Variants in IGF2BP2 observed in about 807,000 individuals in gnomAD.
IGF2BP2 encodes insulin-like growth factor 2 mRNA-binding protein 2.
Under a neutral mutation model 75.8 loss-of-function variants are expected in IGF2BP2, and 17 were observed. The observed-to-expected ratio is 0.22, with a 90% confidence interval of 0.15 to 0.34. The LOEUF (loss-of-function observed/expected upper bound fraction) is 0.34. Among genes scored for constraint, IGF2BP2 ranks in the 10% least tolerant of loss-of-function variants. The probability of loss-of-function intolerance (pLI) is 1.00; values close to 1 mark genes in which losing one functional copy is unlikely to be tolerated. For synonymous variants in IGF2BP2, 288 were observed against 295.6 expected, an observed-to-expected ratio of 0.97 and a Z score of 0.26; for missense variants, 516 against 772.4, an observed-to-expected ratio of 0.67 and a Z score of 3.93.
In IGF2BP2 at chr3:185,815,654, G is replaced by A. The variant is rs566754081; in HGVS notation, c.239+7499C>T. ...CCCATCTCCTGAGTCAGAATTCCAC[G>A]GAAAATGCCATATCCCACTCTGGAC... On this transcript the variant is annotated intron_variant, in intron 2 of 15. Coordinates refer to ENST00000382199, the MANE Select transcript of IGF2BP2 (RefSeq NM_006548.6). 2.6e-5 allele frequency among the ~76,000 whole-genome samples: 4 copies of A among 152,164 alleles called. No individual in the cohort carries two copies. In the South Asian group the frequency reaches 6.2e-4, roughly 24 times the overall value.
intron 2 of IGF2BP2, among the ~76,000 whole-genome samples, chr3:185,744,420 G>A (rs1729968681): frequency 6.6e-6 from 1 of 152,158 alleles, no homozygotes; most frequent in Non-Finnish European, 1.5e-5. Context: ...AATGTTCATT[G>A]TAGGAAATCA....
chr3:185,741,098 C>T (rs1729494317), intron 2 of IGF2BP2, among the ~76,000 whole-genome samples: 1 of 152,136 alleles, frequency 6.6e-6, no homozygotes, highest in Non-Finnish European at 1.5e-5. Flanking sequence ...ATGTCTCGAT[C>T]TCCTGACCTC....
At chr3:185,732,861 C>A (rs1434344615) in intron 2 of IGF2BP2, among the ~76,000 whole-genome samples, 2 of 152,196 alleles carry the variant, frequency 1.3e-5, no homozygotes, top group African/African-American at 4.8e-5. Flanking sequence ...GTAGGCCTCA[C>A]AGATAATACC....
intron 2 of IGF2BP2, among the ~76,000 whole-genome samples, chr3:185,734,706 A>C (rs962321964): frequency 4.6e-5 from 7 of 152,226 alleles, no homozygotes; most frequent in Non-Finnish European, 8.8e-5. Context: ...TACAGCAGGG[A>C]AATTAATTGT....
chr3:185,730,490 A>G (rs1304727347), intron 2 of IGF2BP2, among the ~76,000 whole-genome samples: 1 of 139,504 alleles, frequency 7.2e-6, no homozygotes, highest in Non-Finnish European at 1.5e-5. Context: ...GCTGGAGTGC[A>G]ATGGCACAGT....
At chr3:185,785,575 T>G (rs1578294760) in intron 2 of IGF2BP2, among the ~76,000 whole-genome samples, 1 of 151,706 alleles carries the variant, frequency 6.6e-6, no homozygotes, top group African/African-American at 2.4e-5. Flanking sequence ...TTCCAGCAAC[T>G]TGGGAGACCA....
intron 2 of IGF2BP2, among the ~76,000 whole-genome samples, chr3:185,713,702 C>G (rs1205415184): frequency 6.6e-6 from 1 of 152,112 alleles, no homozygotes; most frequent in African/African-American, 2.4e-5. Flanking sequence ...GCTACATACT[C>G]TTTTTCATTT....
chr3:185,761,622 C>T (rs1732384272), intron 2 of IGF2BP2, among the ~76,000 whole-genome samples: 1 of 152,150 alleles, frequency 6.6e-6, no homozygotes, highest in East Asian at 1.9e-4. Flanking sequence ...CCAGGAAAGA[C>T]CTCACAGGCA....
At chr3:185,665,833 G>GGC (rs1717481452) in intron 10 of IGF2BP2, among the ~76,000 whole-genome samples, 2 of 152,120 alleles carry the variant, frequency 1.3e-5, no homozygotes, top group African/African-American at 4.8e-5. Flanking sequence ...CAGGTGTGGT[G>GGC]GCACATGCCT....
chr3:185,677,064 T>G (rs1475280629), intron 7 of IGF2BP2, among the ~76,000 whole-genome samples: 182 of 45,730 alleles, frequency 4.0e-3, no homozygotes, highest in African/African-American at 0.015. Flanking sequence ...TATATATATA[T>G]ATATAGAGAG....
At chr3:185,695,507 A>G (rs1722465662) in intron 4 of IGF2BP2, among the ~76,000 whole-genome samples, 1 of 152,182 alleles carries the variant, frequency 6.6e-6, no homozygotes, top group South Asian at 2.1e-4. Context: ...TCAGTAAATG[A>G]CTGAATTTAC....
intron 2 of IGF2BP2, among the ~76,000 whole-genome samples, chr3:185,700,542 A>T (rs1723148103): frequency 6.6e-6 from 1 of 152,204 alleles, no homozygotes; most frequent in Non-Finnish European, 1.5e-5. Flanking sequence ...ACCATCCCAT[A>T]CAGTGGCTAC....
At chr3:185,672,990 C>T (rs1350678687) in intron 9 of IGF2BP2, among the ~76,000 whole-genome samples, 1 of 152,210 alleles carries the variant, frequency 6.6e-6, no homozygotes, top group African/African-American at 2.4e-5. Context: ...TCCTAAATAC[C>T]TCTGAGCCCC....
At chr3:185,792,422 T>C (rs576927542) in intron 2 of IGF2BP2, among the ~76,000 whole-genome samples, 2 of 152,100 alleles carry the variant, frequency 1.3e-5, no homozygotes, top group East Asian at 3.9e-4. Flanking sequence ...CTGGCCAACA[T>C]GGCGAAACCC....
chr3:185,730,331 C>T (rs1727974945), intron 2 of IGF2BP2, among the ~76,000 whole-genome samples: 1 of 151,720 alleles, frequency 6.6e-6, no homozygotes, highest in Non-Finnish European at 1.5e-5. Flanking sequence ...TTTATACCAC[C>T]TTTTCTTTAT....
intron 2 of IGF2BP2, among the ~76,000 whole-genome samples, chr3:185,767,140 T>G (rs1002157892): frequency 1.3e-5 from 2 of 152,212 alleles, no homozygotes; most frequent in African/African-American, 4.8e-5. Flanking sequence ...GATGGTGGCA[T>G]AGGCAACAGC....
At chr3:185,750,839 A>C (rs1208927801) in intron 2 of IGF2BP2, among the ~76,000 whole-genome samples, 1 of 152,246 alleles carries the variant, frequency 6.6e-6, no homozygotes, top group Non-Finnish European at 1.5e-5. Context: ...ATCATAAATC[A>C]GCCAAAGATA....
At chr3:185,815,620 T>C (rs1452814032) in intron 2 of IGF2BP2, among the ~76,000 whole-genome samples, 1 of 152,136 alleles carries the variant, frequency 6.6e-6, no homozygotes, top group Non-Finnish European at 1.5e-5. Context: ...GTTAACTCTC[T>C]TCCTCTCCCC....
intron 2 of IGF2BP2, among the ~76,000 whole-genome samples, chr3:185,748,486 C>T (rs1359704501): frequency 6.6e-6 from 1 of 152,214 alleles, no homozygotes; most frequent in South Asian, 2.1e-4. Flanking sequence ...TAATAGGTTA[C>T]ATAGAAGTTC....
Sources: gnomAD v4.1 joint callset for allele counts (sites outside exome capture counted in the v4.1 genomes callset) on GRCh38, gnomAD v4.1.1 for gene constraint, MANE v1.5 for transcripts, NCBI Gene and HGNC (gene_info 2026-07-23, HGNC 2026-07-21) for gene names.